The following FGFR2 variants were observed in gnomAD, a reference collection of about 807,000 sequenced individuals.
FGFR2 encodes BEK fibroblast growth factor receptor.
FGFR2 carries 19 observed loss-of-function variants against 95.9 expected under a neutral mutation model. The ratio of observed to expected loss-of-function variants is 0.20; its 90% CI spans 0.14 to 0.29. The LOEUF (loss-of-function observed/expected upper bound fraction) is 0.29, where lower values mean the gene tolerates loss of function less well. Among genes scored for constraint, FGFR2 ranks in the 10% least tolerant of loss-of-function variants. The pLI is 1.00. For missense variants in FGFR2, 707 were observed against 1,056.9 expected, an observed-to-expected ratio of 0.67 and a Z score of 4.59; for synonymous variants, 392 against 393.3, an observed-to-expected ratio of 1.00 and a Z score of 0.04.
intron 4 of FGFR2, among the ~76,000 whole-genome samples, chr10:121,555,471 C>T (rs540509564): frequency 2.5e-4 from 38 of 152,264 alleles, no homozygotes; most frequent in African/African-American, 8.7e-4. Flanking sequence ...GTATGAAGAG[C>T]GGGCTTAAAG....
intron 7 of FGFR2, among the ~76,000 whole-genome samples, chr10:121,519,441 G>A (rs1850187018): frequency 6.6e-6 from 1 of 152,104 alleles, no homozygotes; most frequent in African/African-American, 2.4e-5. Flanking sequence ...ACCTCTGAAT[G>A]GATTTCAAAG....
intron 4 of FGFR2, among the ~76,000 whole-genome samples, chr10:121,559,218 A>G (rs1351808638): frequency 1.3e-5 from 2 of 152,110 alleles, no homozygotes; most frequent in Admixed American, 1.3e-4. Context: ...ACATACAAAC[A>G]CACCCCAGTG....
intron 16 of FGFR2, among the ~76,000 whole-genome samples, chr10:121,484,119 G>C (rs1845108543): frequency 6.6e-6 from 1 of 152,082 alleles, no homozygotes. Flanking sequence ...ATGCTTTGGA[G>C]GCTGAAGGAA....
chr10:121,523,426 G>A (rs1372463352), intron 6 of FGFR2, among the ~76,000 whole-genome samples: 7 of 152,148 alleles, frequency 4.6e-5, no homozygotes, highest in African/African-American at 9.7e-5. Flanking sequence ...GGCAGTGACC[G>A]AGGTCTGATT....
chr10:121,545,047 G>C (rs923919068), intron 5 of FGFR2, among the ~76,000 whole-genome samples: 1 of 152,192 alleles, frequency 6.6e-6, no homozygotes, highest in Admixed American at 6.5e-5. Context: ...GGAGGCTGAG[G>C]CAGGAGGATC....
chr10:121,564,294 C>T (rs964073565), intron 4 of FGFR2: 13 of 597,754 alleles, frequency 2.2e-5, no homozygotes, highest in Non-Finnish European at 3.3e-5. Context: ...ACCAGTGACA[C>T]GAGAAGAAAG....
At chr10:121,490,276 G>A (rs889764582) in intron 13 of FGFR2, among the ~76,000 whole-genome samples, 3 of 143,464 alleles carry the variant, frequency 2.1e-5, no homozygotes, top group African/African-American at 5.2e-5. Context: ...TGATTCTCCT[G>A]CCCTCAGCCT....
chr10:121,504,956 G>A (rs767494212), intron 9 of FGFR2, among the ~76,000 whole-genome samples: 1 of 152,186 alleles, frequency 6.6e-6, no homozygotes, highest in African/African-American at 2.4e-5. Context: ...TTTGGCCCAA[G>A]AGAACAAGAA....
At chr10:121,512,592 G>A (rs1476481062) in intron 9 of FGFR2, among the ~76,000 whole-genome samples, 1 of 151,732 alleles carries the variant, frequency 6.6e-6, no homozygotes, top group East Asian at 1.9e-4. Context: ...TTGGAGTCTC[G>A]CTGTGTTGGT....
chr10:121,531,765 G>A lies in FGFR2; in HGVS notation c.748+6827C>T, dbSNP rs1852106253. Among the ~76,000 whole-genome samples the A allele has an allele frequency of 6.6e-6, 1 of 152,096 alleles. No individual in the cohort carries two copies. Among genetic ancestry groups the A allele is most frequent in the African/African-American group, 2.4e-5 (1 of 41,396 alleles). ...AACAGAACTTGACACCCCTCTCCAC[G>A]TAATTTCCACCTGAACCTCCAGAGA... On this transcript the variant is annotated intron_variant, in intron 6 of 17. Transcript: ENST00000358487. This position sits in a 1 kb window ranked among gnomAD's most constrained non-coding sequence, Gnocchi z 4.5.
In FGFR2 at chr10:121,485,006, C is replaced by A. The variant is rs1314863718; in HGVS notation, c.2195+389G>T. Among the ~76,000 whole-genome samples the A allele has an allele frequency of 2.0e-5, 3 of 152,148 alleles. No homozygotes were observed. The highest frequency in any genetic ancestry group is 4.4e-5 in the Non-Finnish European group (3 of 68,024). ...TGTGTTGGTTCCTTAATCCTACACC[C>A]TGCAGGGCGGCCCCGCGGCTTTCTA... On this transcript the variant is annotated intron_variant, in intron 16 of 17. Transcript: ENST00000358487. This position sits in a 1 kb window ranked among gnomAD's most constrained non-coding sequence, Gnocchi z 4.2.
intron 5 of FGFR2, among the ~76,000 whole-genome samples, chr10:121,550,322 G>A (rs1855181384): frequency 6.6e-6 from 1 of 152,188 alleles, no homozygotes; most frequent in African/African-American, 2.4e-5. Context: ...CCTTGGAGCT[G>A]GGGCCATGCC....
At chr10:121,519,795 T>C (rs1230422293) in intron 7 of FGFR2, among the ~76,000 whole-genome samples, 184 bp downstream of exon 7, 1 of 152,244 alleles carries the variant, frequency 6.6e-6, no homozygotes, top group East Asian at 1.9e-4. Context: ...CCCTACTCCA[T>C]AGTTCCCTTC....
chr10:121,565,823 A>C (rs759814882), intron 2 of FGFR2, 119 bp from the exon 3 acceptor site: 1 of 1,278,246 alleles, frequency 7.8e-7, no homozygotes, highest in Non-Finnish European at 1.1e-6. Flanking sequence ...TTGCTCTGCA[A>C]ATGGCCCCAG....
intron 2 of FGFR2, among the ~76,000 whole-genome samples, chr10:121,566,652 G>A (rs1355832642): frequency 6.6e-6 from 1 of 152,018 alleles, no homozygotes; most frequent in African/African-American, 2.4e-5. Context: ...AAGAGCACTG[G>A]CTCCCTCCCC....
chr10:121,517,505 G>C lies in FGFR2; in HGVS notation c.940-42C>G, dbSNP rs1463582143. 1.9e-6 allele frequency: 3 copies of C among 1,613,520 alleles called. No individual in the cohort carries two copies. Among genetic ancestry groups the C allele is most frequent in the Non-Finnish European group, 2.5e-6 (3 of 1,179,724 alleles). On this transcript the variant is annotated intron_variant, in intron 7 of 17. Transcript: ENST00000358487. The surrounding 1 kb of genome is among the most constrained non-coding windows in gnomAD (Gnocchi z 4.7). The stretch of plus-strand genomic sequence containing the variant: ...GCAAAAGAAAAGGCTAGACGACACA[G>C]GAATGATTGTGGAGGGGGCTGTGGA...
chr10:121,578,731 G>T (rs2135322933), intron 2 of FGFR2, among the ~76,000 whole-genome samples: 1 of 152,332 alleles, frequency 6.6e-6, no homozygotes, highest in Non-Finnish European at 1.5e-5. Context: ...CCAACACAGT[G>T]AAACCCTGTC....
chr10:121,574,559 A>T (rs879326294), intron 2 of FGFR2, among the ~76,000 whole-genome samples: 2 of 151,914 alleles, frequency 1.3e-5, no homozygotes, highest in Non-Finnish European at 2.9e-5. Context: ...TAATTAAATT[A>T]AAAAATAAAG....
intron 2 of FGFR2, among the ~76,000 whole-genome samples, chr10:121,574,920 T>A (rs1256039637): frequency 2.0e-5 from 3 of 152,170 alleles, no homozygotes; most frequent in Non-Finnish European, 2.9e-5. Context: ...TGCAGTCCTC[T>A]CTTTCTAACC....
Sources: gnomAD v4.1 joint callset for allele counts (sites outside exome capture counted in the v4.1 genomes callset) on GRCh38, gnomAD v4.1.1 for gene constraint, Gnocchi (gnomAD v3.1) non-coding constraint, MANE v1.5 for transcripts, NCBI Gene and HGNC (gene_info 2026-07-23, HGNC 2026-07-21) for gene names.